The following CCDC102B variants were observed in gnomAD, a reference collection of about 807,000 sequenced individuals.
The protein encoded by CCDC102B is coiled-coil domain-containing protein 102B.
CCDC102B carries 75 observed loss-of-function variants against 57.4 expected under a neutral mutation model. The ratio of observed to expected loss-of-function variants is 1.31; its 90% CI spans 1.08 to 1.58. CCDC102B has a LOEUF of 1.58. CCDC102B is among the 40% of genes most tolerant of loss of function. The pLI, the probability that CCDC102B is intolerant of heterozygous loss-of-function variation, is 0.00. For missense variants in CCDC102B, 636 were observed against 582.6 expected (o/e 1.09, Z -0.94); for synonymous variants, 206 against 201.9 (o/e 1.02, Z -0.17).
intron 7 of CCDC102B, among the ~76,000 whole-genome samples, chr18:69,011,739 G>A (rs1166783377): frequency 2.6e-5 from 4 of 151,608 alleles, no homozygotes; most frequent in East Asian, 1.9e-4. Context: ...ACTGTCACCC[G>A]CAGTAGCATT....
chr18:69,015,781 G>A (rs2051648153), intron 7 of CCDC102B, among the ~76,000 whole-genome samples: 1 of 152,100 alleles, frequency 6.6e-6, no homozygotes, highest in Non-Finnish European at 1.5e-5. Flanking sequence ...TTGTTAGAAG[G>A]TGAACATTCA....
At chr18:69,010,440 G>T (rs1403938740) in intron 6 of CCDC102B, among the ~76,000 whole-genome samples, 1 of 151,808 alleles carries the variant, frequency 6.6e-6, no homozygotes, top group East Asian at 1.9e-4. Context: ...CTCATGATGG[G>T]TCCTTGCTGC....
chr18:68,956,397 TAA>T (rs1278205516), intron 6 of CCDC102B, among the ~76,000 whole-genome samples: 2 of 78,700 alleles, frequency 2.5e-5, no homozygotes, highest in Non-Finnish European at 4.7e-5. Flanking sequence ...AATATATATA[TAA>T]ATATATTTTA....
chr18:68,957,650 A>T (rs1170299366), intron 6 of CCDC102B, among the ~76,000 whole-genome samples: 1 of 147,746 alleles, frequency 6.8e-6, no homozygotes, highest in Non-Finnish European at 1.5e-5. Flanking sequence ...ATTTGTGTGG[A>T]TAATATCATT....
At chr18:68,832,267 GA>G (rs1376508105) in intron 1 of CCDC102B, among the ~76,000 whole-genome samples, 11 of 152,128 alleles carry the variant, frequency 7.2e-5, no homozygotes, top group Admixed American at 7.2e-4. Context: ...TCATTTTTCA[GA>G]TAATACATAA....
rs779073569 is a variant in CCDC102B at position 68,897,170 on chromosome 18, T to C, written c.1054-49T>C. ...TCTGGTTGTGGGTGGCATTATCTTT[T>C]GGCAATTGCAAATGCTGCATGCTGC... On this transcript the variant is annotated intron_variant, in intron 5 of 7. Transcript: ENST00000360242. 15 of 1,459,808 alleles carry C rather than the reference T, an allele frequency of 1.0e-5. No individual in the cohort carries two copies. In the East Asian group the frequency reaches 2.0e-4, roughly 20 times the overall value. 90.4% of individuals were successfully genotyped at this position (1,459,808 alleles called of 1,614,324 possible).
At chr18:68,755,510 GAAAT>G (rs1241548509) in intron 2 of CCDC102B, among the ~76,000 whole-genome samples, 1 of 152,036 alleles carries the variant, frequency 6.6e-6, no homozygotes, top group Non-Finnish European at 1.5e-5. Context: ...TTTATTATAA[GAAAT>G]AGAATAGGGA....
intron 7 of CCDC102B, among the ~76,000 whole-genome samples, chr18:69,021,780 C>T (rs776525785): frequency 2.0e-5 from 3 of 152,226 alleles, no homozygotes; most frequent in Non-Finnish European, 4.4e-5. Flanking sequence ...ACTGCCAGCT[C>T]TGTCGTGCTG....
intron 4 of CCDC102B, among the ~76,000 whole-genome samples, chr18:68,854,524 C>T (rs1376733248): frequency 6.6e-6 from 1 of 152,112 alleles, no homozygotes; most frequent in Non-Finnish European, 1.5e-5. Flanking sequence ...CAATCAATCT[C>T]AGCTCAGAAA....
chr18:68,912,554 T>C (rs373287950), intron 6 of CCDC102B, among the ~76,000 whole-genome samples: 13 of 152,236 alleles, frequency 8.5e-5, no homozygotes, highest in African/African-American at 3.1e-4. Context: ...ATCTAGCCTT[T>C]ATATTTGCAT....
intron 7 of CCDC102B, among the ~76,000 whole-genome samples, chr18:69,049,183 G>A (rs961233230): frequency 1.3e-5 from 2 of 151,718 alleles, no homozygotes; most frequent in South Asian, 2.1e-4. Context: ...AATGGTATCC[G>A]TCCCGTAGTC....
At chr18:68,804,099 G>C (rs2144691184) in intron 1 of CCDC102B, among the ~76,000 whole-genome samples, 1 of 152,264 alleles carries the variant, frequency 6.6e-6, no homozygotes, top group South Asian at 2.1e-4. Context: ...TAGAGATGGA[G>C]TTTTTGTAAT....
chr18:68,829,322 G>T (rs2037049295), intron 1 of CCDC102B, among the ~76,000 whole-genome samples: 1 of 151,932 alleles, frequency 6.6e-6, no homozygotes, highest in Non-Finnish European at 1.5e-5. Context: ...TATACGCACA[G>T]GTATAGCTCA....
intron 7 of CCDC102B, among the ~76,000 whole-genome samples, chr18:69,028,513 T>C (rs2145437599): frequency 6.6e-6 from 1 of 152,246 alleles, no homozygotes; most frequent in East Asian, 1.9e-4. Context: ...CTGGTTACCA[T>C]CACTCATGTA....
At chr18:68,793,957 G>A (rs1217030483), upstream of CCDC102B, among the ~76,000 whole-genome samples, 2 of 152,002 alleles carry the variant, frequency 1.3e-5, no homozygotes, top group Non-Finnish European at 2.9e-5. Context: ...GATTTCTTCT[G>A]GACCTCCCAA....
chr18:68,865,222 A>G (rs1438265093), intron 4 of CCDC102B, among the ~76,000 whole-genome samples: 1 of 152,086 alleles, frequency 6.6e-6, no homozygotes, highest in East Asian at 1.9e-4. Context: ...ACTATTGCCA[A>G]CTTCAGGGTT....
chr18:68,878,324 C>T (rs2039531000), intron 5 of CCDC102B, among the ~76,000 whole-genome samples: 1 of 152,072 alleles, frequency 6.6e-6, no homozygotes, highest in Admixed American at 6.5e-5. Context: ...GTCCTGAACT[C>T]CTAAGCTAAA....
intron 5 of CCDC102B, among the ~76,000 whole-genome samples, chr18:68,884,748 T>C (rs920190500): frequency 1.8e-4 from 27 of 148,596 alleles, no homozygotes; most frequent in Non-Finnish European, 3.9e-4. Flanking sequence ...AATATATTTA[T>C]ATATATTTAT....
chr18:68,733,919 G>C (rs547024937), intron 2 of CCDC102B, among the ~76,000 whole-genome samples: 1 of 152,100 alleles, frequency 6.6e-6, no homozygotes, highest in African/African-American at 2.4e-5. Flanking sequence ...AGTAAGGTCC[G>C]AACAACTGCC....
Sources: allele counts gnomAD v4.1 joint callset (sites outside exome capture counted in the v4.1 genomes callset), GRCh38; gene constraint gnomAD v4.1.1; transcripts MANE v1.5; gene names NCBI Gene and HGNC (gene_info 2026-07-23, HGNC 2026-07-21).